The following SPATC1L variants were observed in gnomAD, a reference collection of about 807,000 sequenced individuals.
SPATC1L encodes the protein speriolin-like protein.
In SPATC1L, 20 loss-of-function variants were observed where a neutral mutation model predicts 21.2. The observed-to-expected ratio is 0.94, with a 90% confidence interval of 0.66 to 1.37. The LOEUF (loss-of-function observed/expected upper bound fraction) is 1.37, where lower values mean the gene tolerates loss of function less well. Ranked by LOEUF, SPATC1L falls within the 40% of genes most tolerant of loss-of-function variation. The pLI is 0.00. For synonymous variants in SPATC1L, 290 were observed against 234.5 expected, an observed-to-expected ratio of 1.24 and a Z score of -2.16; for missense variants, 499 against 478.7, an observed-to-expected ratio of 1.04 and a Z score of -0.40.
rs536598301 is a variant in SPATC1L at position 46,162,794 on chromosome 21, C to T, written c.545-727G>A. Among the ~76,000 whole-genome samples, 17 of 152,188 alleles carry T rather than the reference C, an allele frequency of 1.1e-4. No homozygotes were observed. The East Asian group carries it at 3.3e-3, about 29-fold the overall frequency. ...TAGAGCTGGGGTTTCACCCTGTTGG[C>T]CAGGCTGGTCTCGAACTGCTGACCT... On this transcript the variant is annotated intron_variant, in intron 3 of 4. Transcript: ENST00000291672.
chr21:46,161,990 G>A lies in SPATC1L; in HGVS notation c.622C>T (p.Leu208=), dbSNP rs144994243. ...EIAFQLDRRI[L]AYVFPGVTRL... ...GTCACGCCCGGGAACACGTAGGCCA[G>A]GATGCGGCGGTCCAGCTGGAAGGCG... The change falls in exon 4 of 5, where the codon CTG becomes TTG. Residue 208 remains leucine, a synonymous_variant. Coordinates refer to ENST00000291672, the MANE Select transcript of SPATC1L (RefSeq NM_001142854.2). 715 of 1,605,550 alleles carry A rather than the reference G, an allele frequency of 4.5e-4. 5 individuals are homozygous for A. Among genetic ancestry groups the A allele is most frequent in the Non-Finnish European group, 5.5e-4 (653 of 1,178,058 alleles).
rs2123628787 is a variant in SPATC1L at position 46,168,570 on chromosome 21, G to T, written c.282C>A (p.Ala94=). ...AGGTGTCGTCCTCGCTGGACAGGGGGGCATGTGAGCACAGCAGGTCCTCCA... is the reference window on the plus strand; with the variant it reads ...AGGTGTCGTCCTCGCTGGACAGGGGTGCATGTGAGCACAGCAGGTCCTCCA... ...SSLEDLLCSH[A]PLSSEDDTSP... Residue 94 remains alanine (A), a synonymous_variant, in exon 3 of 5, where the codon GCC becomes GCA. Coordinates refer to ENST00000291672, the MANE Select transcript of SPATC1L (RefSeq NM_001142854.2). 1.4e-6 allele frequency: 2 copies of T among 1,480,490 alleles called. No homozygotes were observed. The highest frequency in any genetic ancestry group is 2.5e-5 in the East Asian group (1 of 39,556). The allele number at this position is 1,480,490 out of a possible 1,614,324, so 91.7% of individuals were successfully genotyped here. A position where few individuals can be genotyped will look rare whatever the true frequency, so the allele number is the denominator to read the frequency against.
At chr21:46,163,851 C>T (rs1354698845) in intron 3 of SPATC1L, among the ~76,000 whole-genome samples, 2 of 152,114 alleles carry the variant, frequency 1.3e-5, no homozygotes, top group African/African-American at 4.8e-5. Flanking sequence ...TCAGTTTCTG[C>T]TTGTCAATTT....
chr21:46,162,935 A>G (rs2079513355), intron 3 of SPATC1L, among the ~76,000 whole-genome samples: 1 of 151,538 alleles, frequency 6.6e-6, no homozygotes, highest in East Asian at 1.9e-4. Flanking sequence ...AGGAGACTGC[A>G]ATGCTCCCAC....
rs763470325 is a variant in SPATC1L, at chr21:46,162,031, C to G, written c.581G>C (p.Arg194Pro). The G allele has an allele frequency of 1.3e-6, 2 of 1,593,280 alleles. No individual in the cohort carries two copies. Among genetic ancestry groups the G allele is most frequent in the Non-Finnish European group, 1.7e-6 (2 of 1,172,214 alleles). The change falls in exon 4 of 5, where the codon CGC (arginine) becomes CCC (proline). Residue 194 changes from arginine (R) to proline (P), a missense_variant. Arg to Pro is a moderately radical substitution (Grantham distance 103, BLOSUM62 -2). Coordinates refer to ENST00000291672, the MANE Select transcript of SPATC1L (RefSeq NM_001142854.2). ...QSFAGAEKDA[R>P]VVGEIAFQLD... ...CTGGAAGGCGATCTCGCCCACCACG[C>G]GCGCGTCCTTCTCGGCGCCCGCGAA...
chr21:46,161,826 T>C (rs2079496477), intron 4 of SPATC1L, 90 bp downstream of exon 4: 3 of 1,533,318 alleles, frequency 2.0e-6, no homozygotes, highest in Admixed American at 1.9e-5. Flanking sequence ...CTGCGGACAG[T>C]GCCCGGCCAG....
chr21:46,175,378 T>G (rs1450300933), intron 2 of SPATC1L, among the ~76,000 whole-genome samples: 3 of 152,134 alleles, frequency 2.0e-5, no homozygotes, highest in African/African-American at 7.2e-5. Flanking sequence ...AGGAGCTGGT[T>G]TTTTGAAAAA....
intron 3 of SPATC1L, among the ~76,000 whole-genome samples, chr21:46,166,256 C>T (rs997123774): frequency 1.3e-5 from 2 of 152,064 alleles, no homozygotes; most frequent in African/African-American, 4.8e-5. Context: ...ATCCCAGCTA[C>T]TCGGGTGGCT....
In SPATC1L at chr21:46,168,309, A is replaced by T. The variant is rs1364546370; in HGVS notation, c.543T>A (p.Asn181Lys). 1 of 1,571,684 alleles carries T rather than the reference A, an allele frequency of 6.4e-7. No homozygotes were observed. Among genetic ancestry groups the T allele is most frequent in the Admixed American group, 1.7e-5 (1 of 58,256 alleles). The change falls in exon 3 of 5, where the codon AAT (asparagine) becomes AAA (lysine). Residue 181 changes from asparagine to lysine, a missense_variant and splice_region_variant. Physicochemically the swap from Asn to Lys is moderately conservative, Grantham distance 94. Transcript: ENST00000291672. ...AGGTGCCCCCGCACCCGGCCATACC[A>T]TTGAGGTAGTAGCTCCTCCTGGTCC... ...GDRTRRSYYL[N>K]EIQSFAGAEK... is the part of the protein sequence containing the mutation.
At chr21:46,181,570 A>G (rs375471953) in intron 2 of SPATC1L, among the ~76,000 whole-genome samples, 15 of 152,182 alleles carry the variant, frequency 9.9e-5, no homozygotes, top group African/African-American at 3.4e-4. Context: ...CAGAGTGCAC[A>G]TCTGAGGGTG....
chr21:46,164,017 GT>G (rs918813661), intron 3 of SPATC1L, among the ~76,000 whole-genome samples: 1 of 152,152 alleles, frequency 6.6e-6, no homozygotes, highest in South Asian at 2.1e-4. Flanking sequence ...TTGTTTGTTT[GT>G]TTTTTTGAAG....
intron 3 of SPATC1L, among the ~76,000 whole-genome samples, chr21:46,163,171 T>C (rs1399706104): frequency 4.6e-5 from 7 of 152,220 alleles, no homozygotes; most frequent in South Asian, 2.1e-4. Context: ...TGATTTTTCA[T>C]TGGATTGTTT....
chr21:46,169,319 T>C (rs13047449), intron 2 of SPATC1L, among the ~76,000 whole-genome samples: 224 of 102,432 alleles, frequency 2.2e-3, no homozygotes, highest in Middle Eastern at 5.7e-3. Context: ...GGGAGGAGCC[T>C]CCTGCTCTGT....
In SPATC1L at chr21:46,179,091, A is replaced by T. The variant is rs1050151826; in HGVS notation, c.193+3533T>A. Among the ~76,000 whole-genome samples the T allele has an allele frequency of 2.7e-4, 23 of 84,002 alleles. 1 individual carries two copies. Among genetic ancestry groups the T allele is most frequent in the South Asian group, 1.8e-3 (6 of 3,414 alleles). 55.1% of individuals were successfully genotyped at this position (84,002 alleles called of 152,430 possible). A position where few individuals can be genotyped will look rare whatever the true frequency, so the allele number is the denominator to read the frequency against. On this transcript the variant is annotated intron_variant, in intron 2 of 4. Coordinates refer to ENST00000291672, the MANE Select transcript of SPATC1L (RefSeq NM_001142854.2). Reference sequence around the variant, plus strand: ...CTGTCTCTACAAAAAAAAAAAAAAAATTTTTAACTAGCCGCTCATGGTGGC... The same window carrying T: ...CTGTCTCTACAAAAAAAAAAAAAAATTTTTTAACTAGCCGCTCATGGTGGC...
intron 2 of SPATC1L, among the ~76,000 whole-genome samples, chr21:46,181,430 A>G (rs377173088): frequency 3.2e-4 from 48 of 152,202 alleles, no homozygotes; most frequent in African/African-American, 1.1e-3. Context: ...CAGAGACCAA[A>G]GGTGTGGGGA....
At chr21:46,175,336 C>A (rs1274988243) in intron 2 of SPATC1L, among the ~76,000 whole-genome samples, 1 of 152,048 alleles carries the variant, frequency 6.6e-6, no homozygotes, top group Admixed American at 6.6e-5. Flanking sequence ...GAGATTGAGA[C>A]ACAAAATACT....
chr21:46,162,112 T>G (rs755101607), intron 3 of SPATC1L, 45 bp from the exon 4 acceptor site: 21 of 1,511,838 alleles, frequency 1.4e-5, no homozygotes, highest in Non-Finnish European at 1.7e-5. Flanking sequence ...AGCGCGAGGA[T>G]CCACTGCCCT....
chr21:46,163,940 T>C (rs1043078755), intron 3 of SPATC1L, among the ~76,000 whole-genome samples: 4 of 152,212 alleles, frequency 2.6e-5, no homozygotes, highest in Non-Finnish European at 5.9e-5. Flanking sequence ...AAATTATTGA[T>C]TTTTGAACAA....
chr21:46,167,651 C>T (rs180710696), intron 3 of SPATC1L, among the ~76,000 whole-genome samples: 2 of 152,244 alleles, frequency 1.3e-5, no homozygotes, highest in Non-Finnish European at 2.9e-5. Context: ...CCCATCTCTA[C>T]AATAACAAAA....
Sources: gnomAD v4.1 joint callset for allele counts (sites outside exome capture counted in the v4.1 genomes callset) on GRCh38, gnomAD v4.1.1 for gene constraint, MANE v1.5 for transcripts, NCBI Gene and HGNC (gene_info 2026-07-23, HGNC 2026-07-21) for gene names.